The following ERBB2 variants were observed in gnomAD, a reference collection of about 807,000 sequenced individuals.
The protein encoded by ERBB2 is receptor tyrosine-protein kinase erbB-2.
Under a neutral mutation model 149.0 loss-of-function variants are expected in ERBB2, and 61 were observed. That is an observed-to-expected ratio of 0.41 (90% CI 0.33 to 0.51). The LOEUF is 0.51. Ranked by LOEUF, ERBB2 falls within the 20% of genes least tolerant of loss-of-function variation. The probability of loss-of-function intolerance (pLI) is 0.25; values close to 1 mark genes in which losing one functional copy is unlikely to be tolerated. For missense variants in ERBB2, 1,205 were observed against 1,655.1 expected (o/e 0.73, Z 4.72); for synonymous variants, 633 against 678.8 (o/e 0.93, Z 1.05).
In ERBB2 at chr17:39,700,216, G is replaced by A. The variant is rs1464363761; in HGVS notation, c.-23G>A. 5 of 1,433,216 alleles carry A rather than the reference G, an allele frequency of 3.5e-6. No individual in the cohort carries two copies. The highest frequency in any genetic ancestry group is 4.9e-4 in the Middle Eastern group (2 of 4,042). 88.8% of individuals were successfully genotyped at this position (1,433,216 alleles called of 1,614,324 possible). On this transcript the variant is annotated 5_prime_UTR_variant, in exon 1 of 27. Coordinates refer to ENST00000269571, the MANE Select transcript of ERBB2 (RefSeq NM_004448.4). ...CCAGCCGGGTCCAGCCGGAGCCATG[G>A]GGCCGGAGCCGCAGTGAGCACCATG...
chr17:39,689,900 CAAAAA>C (rs77805136), intron 2 of ERBB2, among the ~76,000 whole-genome samples: 1 of 47,468 alleles, frequency 2.1e-5, no homozygotes. Context: ...GAGCGAAACT[CAAAAA>C]AAAAAAAAAA....
At chr17:39,709,206 A>G in intron 3 of ERBB2, 112 bp from the exon 4 acceptor site, 1 of 1,242,914 alleles carries the variant, frequency 8.0e-7, no homozygotes, top group Non-Finnish European at 1.1e-6. Flanking sequence ...TCCCTGGGGA[A>G]TCTGGGGGTT....
upstream of ERBB2, among the ~76,000 whole-genome samples, chr17:39,693,591 C>T (rs560738693): frequency 6.6e-6 from 1 of 151,760 alleles, no homozygotes; most frequent in South Asian, 2.1e-4. Context: ...AAGCAATCCT[C>T]TACTAAAAAT....
chr17:39,724,667 T>G (rs2145843824), intron 19 of ERBB2, 59 bp from the exon 20 acceptor site: 1 of 1,483,116 alleles, frequency 6.7e-7, no homozygotes, highest in South Asian at 1.2e-5. Flanking sequence ...GTTGGGAGGC[T>G]GTGTGGTGTT....
Position 39,727,515 on chromosome 17 carries a change from A to T in ERBB2, c.3380A>T (p.Tyr1127Phe), listed in dbSNP as rs2143257405. 2 of 1,607,600 alleles carry T rather than the reference A, an allele frequency of 1.2e-6. No homozygotes were observed. The highest frequency in any genetic ancestry group is 1.7e-6 in the Non-Finnish European group (2 of 1,178,126). Residue 1127 changes from tyrosine (Y) to phenylalanine (F), a missense_variant, in exon 26 of 27, where the codon TAC (tyrosine) becomes TTC (phenylalanine). By Grantham distance (22) the Tyr-to-Phe change is conservative. Coordinates refer to ENST00000269571, the MANE Select transcript of ERBB2 (RefSeq NM_004448.4). This position sits in a 1 kb window ranked among gnomAD's most constrained non-coding sequence, Gnocchi z 4.3. Reference sequence around the variant, plus strand: ...CCCCTGCCCTCTGAGACTGATGGCTACGTTGCCCCCCTGACCTGCAGCCCC... The same window carrying T: ...CCCCTGCCCTCTGAGACTGATGGCTTCGTTGCCCCCCTGACCTGCAGCCCC... ...TVPLPSETDG[Y>F]VAPLTCSPQP...
In ERBB2 at chr17:39,727,977, C is replaced by A. The variant is rs2143316649; in HGVS notation, c.3701C>A (p.Pro1234His). 1 of 1,613,512 alleles carries A rather than the reference C, an allele frequency of 6.2e-7. No homozygotes were observed. ...DQDPPERGAP[P>H]STFKGTPTAE... is the part of the protein sequence containing the mutation. ...GACCCACCAGAGCGGGGGGCTCCAC[C>A]CAGCACCTTCAAAGGGACACCTACG... The change falls in exon 27 of 27, where the codon CCC (proline) becomes CAC (histidine). Residue 1234 changes from proline (P) to histidine (H), a missense_variant. Pro to His is a moderately conservative substitution (Grantham distance 77). Transcript: ENST00000269571. This position sits in a 1 kb window ranked among gnomAD's most constrained non-coding sequence, Gnocchi z 4.3.
At chr17:39,722,484 C>T (rs2132141) in intron 16 of ERBB2, among the ~76,000 whole-genome samples, 100 of 152,240 alleles carry the variant, frequency 6.6e-4, no homozygotes, top group Admixed American at 4.2e-3. Context: ...CTGGGCAACA[C>T]AGCAAGGCCC....
At chr17:39,694,147 T>C (rs2057772188), upstream of ERBB2, among the ~76,000 whole-genome samples, 1 of 124,416 alleles carries the variant, frequency 8.0e-6, no homozygotes, top group South Asian at 2.9e-4. Flanking sequence ...TGAGCCGACA[T>C]CATGCCACTG....
chr17:39,711,873 C>T (rs906579838), intron 7 of ERBB2, 55 bp from the exon 8 acceptor site: 14 of 1,610,556 alleles, frequency 8.7e-6, no homozygotes, highest in African/African-American at 1.3e-5. Flanking sequence ...TAATGCTGCT[C>T]ATGGTGGTGC....
Position 39,725,492 on chromosome 17 carries a change from C to G in ERBB2, c.2725+90C>G. On this transcript the variant is annotated intron_variant, in intron 22 of 26. Coordinates refer to ENST00000269571, the MANE Select transcript of ERBB2 (RefSeq NM_004448.4). The surrounding 1 kb of genome is among the most constrained non-coding windows in gnomAD (Gnocchi z 4.6). Reference sequence around the variant, plus strand: ...GGGATGGGGAGAATTACGGGGCCACCTCAGCATGTGAAGGGAGGGAAGGGG... The same window carrying G: ...GGGATGGGGAGAATTACGGGGCCACGTCAGCATGTGAAGGGAGGGAAGGGG... 1.4e-6 allele frequency: 2 copies of G among 1,401,748 alleles called. No homozygotes were observed. Among genetic ancestry groups the G allele is most frequent in the Non-Finnish European group, 2.0e-6 (2 of 998,346 alleles). 86.8% of individuals were successfully genotyped at this position (1,401,748 alleles called of 1,614,324 possible). A position where few individuals can be genotyped will look rare whatever the true frequency, so the allele number is the denominator to read the frequency against.
At chr17:39,716,260 T>C in intron 12 of ERBB2, 41 bp from the exon 13 acceptor site, 1 of 1,525,438 alleles carries the variant, frequency 6.6e-7, no homozygotes, top group Non-Finnish European at 8.8e-7. Flanking sequence ...ACCTGGGGCC[T>C]CCCCTAAAAG....
chr17:39,721,379 A>G (rs1031486485), intron 16 of ERBB2, among the ~76,000 whole-genome samples: 2 of 151,122 alleles, frequency 1.3e-5, no homozygotes, highest in Non-Finnish European at 2.9e-5. Context: ...AGTTCAAGCA[A>G]TCCTCCTGTC....
chr17:39,709,216 T>C, intron 3 of ERBB2, 102 bp from the exon 4 acceptor site: 1 of 1,361,834 alleles, frequency 7.3e-7, no homozygotes, highest in Non-Finnish European at 1.0e-6. Context: ...ATCTGGGGGT[T>C]GTTTAAAAGG....
In ERBB2 at chr17:39,723,273, C is replaced by A. The variant is rs375486327; in HGVS notation, c.1947-46C>A. 6.2e-7 allele frequency: 1 copy of A among 1,600,958 alleles called. No individual in the cohort carries two copies. The highest frequency in any genetic ancestry group is 1.1e-5 in the South Asian group (1 of 90,398). ...CCCCGTGGGCCCCCTTTGTCCCTCC[C>A]ACCCCAAACTAGCCCTCAATCCCTG... is the stretch of plus-strand genomic sequence containing the variant. On this transcript the variant is annotated intron_variant, in intron 16 of 26. Coordinates refer to ENST00000269571, the MANE Select transcript of ERBB2 (RefSeq NM_004448.4). This position sits in a 1 kb window ranked among gnomAD's most constrained non-coding sequence, Gnocchi z 6.2.
chr17:39,691,574 T>TATACACAC (rs1244087250), upstream of ERBB2, among the ~76,000 whole-genome samples: 9 of 122,036 alleles, frequency 7.4e-5, no homozygotes, highest in African/African-American at 3.6e-4. Context: ...TATATATATA[T>TATACACAC]ACACACACAC....
rs1256869007 is a variant in ERBB2, at chr17:39,717,402, A to G, written c.1820A>G (p.Asp607Gly). The G allele has an allele frequency of 6.2e-7, 1 of 1,612,716 alleles. No homozygotes were observed. The highest frequency in any genetic ancestry group is 8.5e-7 in the Non-Finnish European group (1 of 1,179,836). Reference sequence around the variant, plus strand: ...CGCTGCCCCAGCGGTGTGAAACCTGACCTCTCCTACATGCCCATCTGGAAG... The same window carrying G: ...CGCTGCCCCAGCGGTGTGAAACCTGGCCTCTCCTACATGCCCATCTGGAAG... ...VARCPSGVKP[D>G]LSYMPIWKFP... The change falls in exon 15 of 27, where the codon GAC becomes GGC. Residue 607 changes from aspartate (D) to glycine (G), a missense_variant. By Grantham distance (94) the Asp-to-Gly change is moderately conservative. Coordinates refer to ENST00000269571, the MANE Select transcript of ERBB2 (RefSeq NM_004448.4).
Position 39,709,490 on chromosome 17 carries a change from C to T in ERBB2, c.574+38C>T, listed in dbSNP as rs35938081. ...CCTCCCTGCTGCCTCTTCTCTCAGACAGCCTGACCCCAGCCGCAAACTCCC... is the reference window on the plus strand; with the variant it reads ...CCTCCCTGCTGCCTCTTCTCTCAGATAGCCTGACCCCAGCCGCAAACTCCC... On this transcript the variant is annotated intron_variant, in intron 4 of 26. Transcript: ENST00000269571. 4.7e-3 allele frequency: 7,627 copies of T among 1,611,262 alleles called. 347 individuals carry two copies. In the African/African-American group the frequency reaches 0.092, roughly 19 times the overall value.
chr17:39,689,900 CAAAAAAA>C (rs77805136), intron 2 of ERBB2, among the ~76,000 whole-genome samples: 1 of 47,470 alleles, frequency 2.1e-5, no homozygotes, highest in African/African-American at 8.3e-5. Flanking sequence ...GAGCGAAACT[CAAAAAAA>C]AAAAAAAAAA....
At position 39,728,495 on chromosome 17, in the gene ERBB2, C is replaced by CTTTGTACA. The variant is rs1296772520; in HGVS notation, c.*452_*459dup. On this transcript the variant is annotated 3_prime_UTR_variant, in exon 27 of 27. Transcript: ENST00000269571. ...AACAGCAATGGTGTCAGTATCCAGGCTTTGTACAGAGTGCTTTTCTGTTTA... is the reference window on the plus strand; with the variant it reads ...AACAGCAATGGTGTCAGTATCCAGGCTTTGTACATTTGTACAGAGTGCTTTTCTGTTTA... 1 of 243,586 alleles carries CTTTGTACA rather than the reference C, an allele frequency of 4.1e-6. No individual in the cohort carries two copies. The highest frequency in any genetic ancestry group is 8.0e-6 in the Non-Finnish European group (1 of 125,768). 15.1% of individuals were successfully genotyped at this position (243,586 alleles called of 1,614,324 possible).
Sources: gnomAD v4.1 joint callset for allele counts (sites outside exome capture counted in the v4.1 genomes callset) on GRCh38, gnomAD v4.1.1 for gene constraint, Gnocchi (gnomAD v3.1) non-coding constraint, MANE v1.5 for transcripts, NCBI Gene and HGNC (gene_info 2026-07-23, HGNC 2026-07-21) for gene names.